Variants in NFIB observed in about 807,000 individuals in gnomAD.
NFIB encodes the protein nuclear factor 1 B-type.
NFIB carries 11 observed loss-of-function variants against 61.5 expected under a neutral mutation model. That is an observed-to-expected ratio of 0.18 (90% CI 0.11 to 0.30). NFIB has a LOEUF of 0.30. Among genes scored for constraint, NFIB ranks in the 10% least tolerant of loss-of-function variants. The pLI is 1.00. For missense variants in NFIB, 471 were observed against 608.9 expected, an observed-to-expected ratio of 0.77 and a Z score of 2.38; for synonymous variants, 260 against 216.5, an observed-to-expected ratio of 1.20 and a Z score of -1.76.
At chr9:14,212,696 T>C (rs2050442071) in intron 2 of NFIB, among the ~76,000 whole-genome samples, 1 of 152,070 alleles carries the variant, frequency 6.6e-6, no homozygotes, top group Non-Finnish European at 1.5e-5. Context: ...ATATAATTAA[T>C]AAATGTTTGC....
At chr9:14,092,508 T>C (rs2034085973) in intron 10 of NFIB, among the ~76,000 whole-genome samples, 1 of 152,040 alleles carries the variant, frequency 6.6e-6, no homozygotes, top group South Asian at 2.1e-4. Context: ...CTGATTTCCC[T>C]GGCCATTTCA....
chr9:14,449,879 G>A, the NFIB span, among the ~76,000 whole-genome samples: 3 of 152,092 alleles, frequency 2.0e-5, no homozygotes, highest in African/African-American at 7.2e-5. Context: ...GGTTGCAAGT[G>A]AGCCGAGATC....
the NFIB span, among the ~76,000 whole-genome samples, chr9:14,409,923 C>G: frequency 6.6e-6 from 1 of 152,014 alleles, no homozygotes; most frequent in South Asian, 2.1e-4. Flanking sequence ...GTTGCTAAAG[C>G]AAAAGAATGA....
In NFIB at chr9:14,372,613, A is replaced by T. The variant is rs372463971; in HGVS notation, c.108+25911T>A. ...ACACTAGACAGGAGTTGTTCCAGAC[A>T]CTGACCCATCTTGGCTCAGGGAGAG... On this transcript the variant is annotated intron_variant, in intron 1 of 8. Transcript: ENST00000380934. Among the ~76,000 whole-genome samples, 17 of 152,240 alleles carry T rather than the reference A, an allele frequency of 1.1e-4. No homozygotes were observed. The South Asian group carries it at 3.5e-3, about 32-fold the overall frequency.
intron 2 of NFIB, among the ~76,000 whole-genome samples, chr9:14,219,975 A>G (rs1168092568): frequency 6.6e-6 from 1 of 152,196 alleles, no homozygotes; most frequent in Non-Finnish European, 1.5e-5. Context: ...AACTACACCA[A>G]AAAAACTTTT....
the NFIB span, among the ~76,000 whole-genome samples, chr9:14,484,067 T>C: frequency 6.6e-6 from 1 of 152,226 alleles, no homozygotes; most frequent in South Asian, 2.1e-4. Context: ...CAGGGATGTC[T>C]TGAGGATGTT....
the NFIB span, among the ~76,000 whole-genome samples, chr9:14,426,765 T>C: frequency 6.6e-6 from 1 of 152,280 alleles, no homozygotes; most frequent in African/African-American, 2.4e-5. Context: ...TGCTTTGATA[T>C]GGGCCCCTCC....
the NFIB span, among the ~76,000 whole-genome samples, chr9:14,438,261 G>C: frequency 6.6e-6 from 1 of 152,192 alleles, no homozygotes; most frequent in Non-Finnish European, 1.5e-5. Flanking sequence ...GGAAGCCCAA[G>C]TCAATTGCAG....
intron 10 of NFIB, among the ~76,000 whole-genome samples, chr9:14,097,875 C>CTTTTTTTTTTTTTTTTTTTTTTTTTTT (rs71321962): frequency 3.6e-5 from 4 of 110,872 alleles, no homozygotes; most frequent in East Asian, 5.5e-4. Context: ...TTTCTTTTTT[C>CTTTTTTTTTTTTTTTTTTTTTTTTTTT]TTTTTTTTTT....
At chr9:14,324,888 G>A (rs977233070) in intron 1 of NFIB, among the ~76,000 whole-genome samples, 2 of 151,934 alleles carry the variant, frequency 1.3e-5, no homozygotes, top group Admixed American at 6.5e-5. Flanking sequence ...TATAAAATAG[G>A]GAGACTGATT....
At chr9:14,487,660 T>C in the NFIB span, among the ~76,000 whole-genome samples, 2 of 152,178 alleles carry the variant, frequency 1.3e-5, no homozygotes, top group African/African-American at 4.8e-5. Context: ...AGGGATGTGA[T>C]TAAAAAGGAA....
intron 2 of NFIB, among the ~76,000 whole-genome samples, chr9:14,294,701 A>T (rs979403146): frequency 6.6e-6 from 1 of 152,214 alleles, no homozygotes; most frequent in East Asian, 1.9e-4. Flanking sequence ...TAACTAATGG[A>T]CAAACAGTGA....
chr9:14,278,110 A>T (rs1354551942), intron 2 of NFIB, among the ~76,000 whole-genome samples: 2 of 152,194 alleles, frequency 1.3e-5, no homozygotes, highest in African/African-American at 4.8e-5. Context: ...AACTGTCACA[A>T]CCATCCTGAT....
chr9:14,200,969 C>CA (rs1337407552), intron 2 of NFIB, among the ~76,000 whole-genome samples: 1 of 152,184 alleles, frequency 6.6e-6, no homozygotes, highest in African/African-American at 2.4e-5. Flanking sequence ...CACAGCCATT[C>CA]AGTTTCCCAA....
At chr9:14,414,660 A>G in the NFIB span, among the ~76,000 whole-genome samples, 1 of 152,074 alleles carries the variant, frequency 6.6e-6, no homozygotes, top group Non-Finnish European at 1.5e-5. Flanking sequence ...ATTAGTATCT[A>G]CAAAGCACTC....
intron 8 of NFIB, among the ~76,000 whole-genome samples, chr9:14,119,534 G>C (rs2038642670): frequency 6.6e-6 from 1 of 151,972 alleles, no homozygotes; most frequent in African/African-American, 2.4e-5. Context: ...TAAATTGATA[G>C]ACACACACTA....
chr9:14,314,074 G>C lies in NFIB; in HGVS notation c.-563C>G. 1 of 1,058,250 alleles carries C rather than the reference G, an allele frequency of 9.4e-7. No individual in the cohort carries two copies. Among genetic ancestry groups the C allele is most frequent in the Non-Finnish European group, 1.1e-6 (1 of 875,272 alleles). The allele number at this position is 1,058,250 out of a possible 1,614,324, so 65.6% of individuals were successfully genotyped here. A position where few individuals can be genotyped will look rare whatever the true frequency, so the allele number is the denominator to read the frequency against. ...AGCACTGCGGCAGGATCCCGGAGTG[G>C]TGATCGCAGGCGAAACTTTGCCGCG... On this transcript the variant is annotated 5_prime_UTR_variant, in exon 1 of 11. Coordinates refer to ENST00000380953, the MANE Select transcript of NFIB (RefSeq NM_001190737.2).
the NFIB span, among the ~76,000 whole-genome samples, chr9:14,459,524 A>C: frequency 6.6e-6 from 1 of 152,204 alleles, no homozygotes; most frequent in East Asian, 1.9e-4. Context: ...AACGGGATCT[A>C]ATTAAACTAA....
At chr9:14,375,664 A>C (rs1273140866) in intron 1 of NFIB, among the ~76,000 whole-genome samples, 2 of 152,132 alleles carry the variant, frequency 1.3e-5, no homozygotes, top group South Asian at 2.1e-4. Context: ...CATCTCAAAA[A>C]AAAAAAAGAA....
Sources: allele counts gnomAD v4.1 joint callset (sites outside exome capture counted in the v4.1 genomes callset), GRCh38; gene constraint gnomAD v4.1.1; transcripts MANE v1.5; gene names NCBI Gene and HGNC (gene_info 2026-07-23, HGNC 2026-07-21).